Variants in EIF4G3 observed in about 807,000 individuals in gnomAD.
The protein encoded by EIF4G3 is eukaryotic translation initiation factor 4 gamma 3, also known as eIF-4-gamma 3.
In EIF4G3, 34 loss-of-function variants were observed where a neutral mutation model predicts 186.4. The ratio of observed to expected loss-of-function variants is 0.18; its 90% CI spans 0.14 to 0.24. The LOEUF is 0.24. EIF4G3 is among the 10% of genes least tolerant of loss of function. EIF4G3 has a pLI of 1.00. For missense variants in EIF4G3, 1,536 were observed against 1,948.5 expected (o/e 0.79, Z 3.99); for synonymous variants, 673 against 679.5 (o/e 0.99, Z 0.15).
chr1:21,109,851 C>G (rs1047351747), intron 2 of EIF4G3, among the ~76,000 whole-genome samples: 1 of 152,186 alleles, frequency 6.6e-6, no homozygotes, highest in African/African-American at 2.4e-5. Flanking sequence ...GTGGTATGAT[C>G]TTGGCTCACT....
chr1:21,011,370 C>T (rs927506282), intron 4 of EIF4G3, among the ~76,000 whole-genome samples: 9 of 152,132 alleles, frequency 5.9e-5, no homozygotes, highest in African/African-American at 1.9e-4. Flanking sequence ...TAGATTTACA[C>T]GGAATTTGAG....
At chr1:21,042,419 T>C (rs2093637440) in intron 4 of EIF4G3, among the ~76,000 whole-genome samples, 1 of 152,236 alleles carries the variant, frequency 6.6e-6, no homozygotes, top group South Asian at 2.1e-4. Flanking sequence ...ATGACCATCA[T>C]CTACAAGATG....
intron 12 of EIF4G3, among the ~76,000 whole-genome samples, chr1:20,954,474 T>C (rs1486395098): frequency 1.5e-5 from 2 of 135,396 alleles, no homozygotes; most frequent in Non-Finnish European, 3.1e-5. Flanking sequence ...GGGTGGAGGT[T>C]GCAGTGAGCC....
chr1:21,131,542 A>G (rs948062383), intron 2 of EIF4G3, among the ~76,000 whole-genome samples: 1 of 152,116 alleles, frequency 6.6e-6, no homozygotes, highest in Admixed American at 6.6e-5. Flanking sequence ...ACAAACACAC[A>G]AGCCTGGAAA....
At chr1:21,165,225 T>C (rs1056960874) in intron 2 of EIF4G3, among the ~76,000 whole-genome samples, 1 of 152,232 alleles carries the variant, frequency 6.6e-6, no homozygotes, top group African/African-American at 2.4e-5. Flanking sequence ...TCATACATTG[T>C]TGGCAGGAAC....
At chr1:21,057,814 G>C (rs537790530) in intron 3 of EIF4G3, among the ~76,000 whole-genome samples, 1 of 152,038 alleles carries the variant, frequency 6.6e-6, no homozygotes, top group Non-Finnish European at 1.5e-5. Context: ...AAGAAATACT[G>C]CTGCAAGAAA....
intron 3 of EIF4G3, among the ~76,000 whole-genome samples, chr1:21,081,711 G>A (rs935591852): frequency 1.4e-5 from 2 of 143,148 alleles, no homozygotes; most frequent in Non-Finnish European, 3.0e-5. Context: ...GGTGCATCTC[G>A]GTTCACTGCA....
intron 3 of EIF4G3, among the ~76,000 whole-genome samples, chr1:21,061,436 C>T (rs552812252): frequency 1.7e-4 from 26 of 152,134 alleles, no homozygotes; most frequent in African/African-American, 6.3e-4. Flanking sequence ...GTTTTAGATG[C>T]CTATCAGAGA....
intron 4 of EIF4G3, among the ~76,000 whole-genome samples, chr1:21,007,494 T>C (rs1199425655): frequency 2.8e-5 from 3 of 107,904 alleles, no homozygotes; most frequent in Non-Finnish European, 5.4e-5. Context: ...TATGTGAATA[T>C]ATTCACAATG....
At chr1:20,837,331 G>C (rs927482235) in intron 30 of EIF4G3, among the ~76,000 whole-genome samples, 2 of 152,016 alleles carry the variant, frequency 1.3e-5, no homozygotes, top group African/African-American at 4.8e-5. Context: ...TCAGCCTCCC[G>C]AGCAGCTGGG....
At chr1:20,850,784 G>GC (rs2073046456) in intron 28 of EIF4G3, among the ~76,000 whole-genome samples, 1 of 152,148 alleles carries the variant, frequency 6.6e-6, no homozygotes, top group East Asian at 1.9e-4. Context: ...CATTATCCGA[G>GC]CAAGTCCTCT....
chr1:20,893,738 G>T (rs1478462290), intron 17 of EIF4G3, 102 bp from the exon 18 acceptor site: 2 of 1,324,840 alleles, frequency 1.5e-6, no homozygotes, highest in Non-Finnish European at 2.0e-6. Flanking sequence ...AGCTGAAACG[G>T]TAAGCACCAG....
intron 2 of EIF4G3, among the ~76,000 whole-genome samples, chr1:21,141,377 TTGTG>T (rs10627733): frequency 1.4e-5 from 2 of 145,154 alleles, no homozygotes; most frequent in Non-Finnish European, 3.0e-5. Flanking sequence ...TATTTTTTCT[TTGTG>T]TGTGTGTGTG....
chr1:21,040,533 G>A (rs1211102566), intron 4 of EIF4G3, among the ~76,000 whole-genome samples: 1 of 152,180 alleles, frequency 6.6e-6, no homozygotes, highest in Non-Finnish European at 1.5e-5. Context: ...AAGTTCCAGA[G>A]GCCGGGACGT....
At chr1:21,090,215 T>C (rs1295741223) in intron 2 of EIF4G3, among the ~76,000 whole-genome samples, 2 of 152,214 alleles carry the variant, frequency 1.3e-5, no homozygotes, top group Non-Finnish European at 1.5e-5. Context: ...TAAGTAGAAA[T>C]ATAAATGTAA....
At chr1:20,861,447 G>A (rs1169932426) in intron 23 of EIF4G3, among the ~76,000 whole-genome samples, 1 of 152,112 alleles carries the variant, frequency 6.6e-6, no homozygotes, top group Non-Finnish European at 1.5e-5. Context: ...CAGGAAAAAC[G>A]AAAGAGAAGA....
chr1:20,825,718 A>G (rs2063444995), intron 32 of EIF4G3, among the ~76,000 whole-genome samples: 1 of 152,208 alleles, frequency 6.6e-6, no homozygotes, highest in South Asian at 2.1e-4. Flanking sequence ...CTGCTATTAA[A>G]GCCATTCAAG....
chr1:20,874,162 T>C (rs1160204059), intron 20 of EIF4G3, among the ~76,000 whole-genome samples: 1 of 152,204 alleles, frequency 6.6e-6, no homozygotes, highest in Admixed American at 6.5e-5. Context: ...CGTGTGCATG[T>C]GTCTTTATAG....
At chr1:21,173,281 C>T (rs1426508452) in intron 2 of EIF4G3, among the ~76,000 whole-genome samples, 2 of 150,984 alleles carry the variant, frequency 1.3e-5, no homozygotes, top group Non-Finnish European at 2.9e-5. Flanking sequence ...ATTGCAACTT[C>T]TGCCTCGTGG....
Sources: allele counts gnomAD v4.1 joint callset (sites outside exome capture counted in the v4.1 genomes callset), GRCh38; gene constraint gnomAD v4.1.1; transcripts MANE v1.5; gene names NCBI Gene and HGNC (gene_info 2026-07-23, HGNC 2026-07-21).